Variants in IL17RD observed in about 807,000 individuals in gnomAD.
The protein encoded by IL17RD is interleukin 17 receptor D, also known as interleukin-17 receptor D.
In IL17RD, 52 loss-of-function variants were observed where a neutral mutation model predicts 80.5. The observed-to-expected ratio is 0.65, with a 90% CI of 0.52 to 0.81. IL17RD has a LOEUF of 0.81. Ranked by LOEUF, IL17RD falls within the 40% of genes least tolerant of loss-of-function variation. The pLI is 0.00. For synonymous variants in IL17RD, 416 were observed against 391.8 expected, an observed-to-expected ratio of 1.06 and a Z score of -0.73; for missense variants, 1,024 against 955.1, an observed-to-expected ratio of 1.07 and a Z score of -0.95.
Position 57,148,079 on chromosome 3 carries a change from G to A in IL17RD, c.126+17082C>T, listed in dbSNP as rs562096192. On this transcript the variant is annotated intron_variant, in intron 1 of 12. Coordinates refer to ENST00000296318, the MANE Select transcript of IL17RD (RefSeq NM_017563.5). ...CACCTGTAATCCCAGCACTTTGGGAGGCCAAGGTTGGGGGGGGGGGGGGGG... is the reference window on the plus strand; with the variant it reads ...CACCTGTAATCCCAGCACTTTGGGAAGCCAAGGTTGGGGGGGGGGGGGGGG... 5.5e-5 allele frequency among the ~76,000 whole-genome samples: 5 copies of A among 90,770 alleles called. No individual in the cohort carries two copies. The South Asian group carries it at 2.2e-3, about 39-fold the overall frequency. 59.5% of individuals were successfully genotyped at this position (90,770 alleles called of 152,430 possible). A position where few individuals can be genotyped will look rare whatever the true frequency, so the allele number is the denominator to read the frequency against.
chr3:57,122,658 G>A (rs1384861374), intron 1 of IL17RD, among the ~76,000 whole-genome samples: 1 of 151,222 alleles, frequency 6.6e-6, no homozygotes, highest in Admixed American at 6.6e-5. Context: ...TGGAAAAATT[G>A]TCTTCCACGA....
intron 1 of IL17RD, among the ~76,000 whole-genome samples, chr3:57,128,086 T>TTC (rs147775887): frequency 2.6e-5 from 4 of 152,016 alleles, no homozygotes; most frequent in East Asian, 1.9e-4. Context: ...CCAGGAGCTG[T>TTC]TCTCTCTCTC....
chr3:57,104,508 C>G lies in IL17RD; in HGVS notation c.748-101G>C, dbSNP rs1706908795. On this transcript the variant is annotated intron_variant, in intron 7 of 12. Transcript: ENST00000296318. ...GCTGAAGGAGACTTGCCACCAGTCT[C>G]AACCACAGTTTTCAGAAAATGTGAT... The G allele has an allele frequency of 5.5e-6, 4 of 726,896 alleles. No homozygotes were observed. In the South Asian group the frequency reaches 6.6e-5, roughly 12 times the overall value. The allele number at this position is 726,896 out of a possible 1,614,324, so 45.0% of individuals were successfully genotyped here.
chr3:57,113,277 G>C (rs1046040085), intron 3 of IL17RD, among the ~76,000 whole-genome samples: 2 of 152,044 alleles, frequency 1.3e-5, no homozygotes, highest in Non-Finnish European at 2.9e-5. Context: ...CCCTCTTGTT[G>C]TCCAGGCTGG....
chr3:57,120,623 C>A (rs1188139192), intron 1 of IL17RD, among the ~76,000 whole-genome samples: 1 of 152,188 alleles, frequency 6.6e-6, no homozygotes, highest in Non-Finnish European at 1.5e-5. Flanking sequence ...GGGAGAGAGA[C>A]CAAGAGCTGC....
At chr3:57,118,593 C>T (rs1707267118) in intron 2 of IL17RD, among the ~76,000 whole-genome samples, 1 of 152,100 alleles carries the variant, frequency 6.6e-6, no homozygotes, top group Non-Finnish European at 1.5e-5. Context: ...ATACAACTAC[C>T]TTCTTATGAA....
intron 1 of IL17RD, among the ~76,000 whole-genome samples, chr3:57,123,997 A>G (rs1707394935): frequency 6.6e-6 from 1 of 152,186 alleles, no homozygotes; most frequent in African/African-American, 2.4e-5. Flanking sequence ...GTGAGCCGAG[A>G]TCGCGCCATC....
intron 1 of IL17RD, among the ~76,000 whole-genome samples, chr3:57,135,101 T>G (rs1707697013): frequency 6.6e-6 from 1 of 151,904 alleles, no homozygotes; most frequent in Non-Finnish European, 1.5e-5. Flanking sequence ...GAGCAAGACC[T>G]TGTCTCAAAA....
chr3:57,144,663 A>G (rs1295202068), intron 1 of IL17RD, among the ~76,000 whole-genome samples: 2 of 152,200 alleles, frequency 1.3e-5, no homozygotes, highest in Non-Finnish European at 2.9e-5. Context: ...TCCAGGGATC[A>G]TCCCAGAGGA....
Position 57,093,667 on chromosome 3 carries a change from A to C in IL17RD, c.*2726T>G, listed in dbSNP as rs184890665. On this transcript the variant is annotated 3_prime_UTR_variant, in exon 13 of 13. Transcript: ENST00000296318. ...GGAGATCAATTGCCTCAAAGGCCCA[A>C]GACAGCCCTCTGGAGGAGCTTTGGC... 152 of 152,352 alleles carry C rather than the reference A, an allele frequency of 1.0e-3. 2 individuals carry two copies. The highest frequency in any genetic ancestry group is 3.3e-3 in the African/African-American group (139 of 41,574). The allele number at this position is 152,352 out of a possible 1,614,324, so 9.4% of individuals were successfully genotyped here. A position where few individuals can be genotyped will look rare whatever the true frequency, so the allele number is the denominator to read the frequency against.
At position 57,093,919 on chromosome 3, in the gene IL17RD, T is replaced by C. The variant is rs1485444071; in HGVS notation, c.*2474A>G. On this transcript the variant is annotated 3_prime_UTR_variant, in exon 13 of 13. Transcript: ENST00000296318. ...TCAGCTACCCGCAGGCTTCTTGGTT[T>C]TCCTGGAAACCTGGACTTATCCCTG... 3 of 152,248 alleles carry C rather than the reference T, an allele frequency of 2.0e-5. No individual in the cohort carries two copies. The highest frequency in any genetic ancestry group is 4.4e-5 in the Non-Finnish European group (3 of 68,060). The allele number at this position is 152,248 out of a possible 1,614,324, so 9.4% of individuals were successfully genotyped here. A position where few individuals can be genotyped will look rare whatever the true frequency, so the allele number is the denominator to read the frequency against.
chr3:57,134,629 A>C, intron 1 of IL17RD: 3 of 814,288 alleles, frequency 3.7e-6, no homozygotes, highest in Non-Finnish European at 6.5e-6. Context: ...CGCAGGTCTA[A>C]GACCAAGGAA....
In IL17RD at chr3:57,098,234, C is replaced by T. The variant is rs1435077755; in HGVS notation, c.1469G>A (p.Gly490Asp). Residue 490 changes from glycine (G) to aspartate (D), a missense_variant, in exon 12 of 13, where the codon GGT becomes GAT. Physicochemically the swap from Gly to Asp is moderately conservative, Grantham distance 94. Coordinates refer to ENST00000296318, the MANE Select transcript of IL17RD (RefSeq NM_017563.5). ...FDYSCEGDVP[G>D]ILDLSTKYRL... The stretch of plus-strand genomic sequence containing the variant: ...GTACTTGGTACTCAGGTCTAGGATA[C>T]CGGGGACGTCTCCCTCGCAGGAATA... The T allele has an allele frequency of 1.9e-6, 3 of 1,613,752 alleles. No individual in the cohort carries two copies. Among genetic ancestry groups the T allele is most frequent in the African/African-American group, 1.3e-5 (1 of 74,898 alleles).
intron 1 of IL17RD, among the ~76,000 whole-genome samples, chr3:57,159,951 C>T (rs1271882381): frequency 6.6e-6 from 1 of 152,186 alleles, no homozygotes; most frequent in Non-Finnish European, 1.5e-5. Context: ...GTGGACAGAT[C>T]ATCTGAGATC....
At chr3:57,106,226 T>TG in intron 5 of IL17RD, 72 bp from the exon 6 acceptor site, 2 of 1,120,918 alleles carry the variant, frequency 1.8e-6, no homozygotes, top group Non-Finnish European at 2.7e-6. Context: ...AACAACCCAA[T>TG]GAAATATAAA....
chr3:57,098,472 T>A lies in IL17RD; in HGVS notation c.1231A>T (p.Lys411Ter), dbSNP rs757280739. ...ATGATGAACTGGGACTCGTGGATCT[T>A]CTGGATGACCCATTCTCTCTGCCCT... is the stretch of plus-strand genomic sequence containing the variant. ...REGQREWVIQ[K>*]IHESQFIIVV... The change falls in exon 12 of 13, where the codon AAG (lysine) becomes TAG (stop). Residue 411 changes from lysine to a stop codon, truncating the protein, a stop_gained. Coordinates refer to ENST00000296318, the MANE Select transcript of IL17RD (RefSeq NM_017563.5). LOFTEE classifies it high-confidence loss of function. The A allele has an allele frequency of 2.5e-6, 4 of 1,613,838 alleles. No homozygotes were observed. The highest frequency in any genetic ancestry group is 1.3e-5 in the African/African-American group (1 of 74,922).
At chr3:57,157,248 G>C (rs1033992526) in intron 1 of IL17RD, among the ~76,000 whole-genome samples, 3 of 152,162 alleles carry the variant, frequency 2.0e-5, no homozygotes, top group Non-Finnish European at 4.4e-5. Flanking sequence ...TGCTTTTCAC[G>C]GGGGCAGTTC....
chr3:57,137,360 G>A (rs1268976911), intron 1 of IL17RD, among the ~76,000 whole-genome samples: 1 of 152,206 alleles, frequency 6.6e-6, no homozygotes, highest in Admixed American at 6.5e-5. Context: ...CAAATACAGT[G>A]GTCCTTACAG....
intron 7 of IL17RD, among the ~76,000 whole-genome samples, chr3:57,104,982 C>G (rs1346302533): frequency 6.6e-6 from 1 of 152,164 alleles, no homozygotes; most frequent in East Asian, 1.9e-4. Flanking sequence ...AGTTTAAAGG[C>G]TGGGTTACTT....
Sources: allele counts gnomAD v4.1 joint callset (sites outside exome capture counted in the v4.1 genomes callset), GRCh38; gene constraint gnomAD v4.1.1; transcripts MANE v1.5; gene names NCBI Gene and HGNC (gene_info 2026-07-23, HGNC 2026-07-21).